Variants in PRKAR1B observed in about 807,000 individuals in gnomAD.
PRKAR1B encodes cAMP-dependent protein kinase type I-beta regulatory subunit.
Under a neutral mutation model 46.5 loss-of-function variants are expected in PRKAR1B, and 22 were observed. The ratio of observed to expected loss-of-function variants is 0.47; its 90% CI spans 0.34 to 0.68. PRKAR1B has a LOEUF of 0.68. PRKAR1B is among the 30% of genes least tolerant of loss of function. The probability of loss-of-function intolerance (pLI) is 0.01; values close to 1 mark genes in which losing one functional copy is unlikely to be tolerated. For missense variants in PRKAR1B, 445 were observed against 535.6 expected, an observed-to-expected ratio of 0.83 and a Z score of 1.67; for synonymous variants, 259 against 217.7, an observed-to-expected ratio of 1.19 and a Z score of -1.67.
In PRKAR1B at chr7:727,216, G is replaced by A; in HGVS notation, c.-29C>T. The A allele has an allele frequency of 7.4e-7, 1 of 1,350,854 alleles. No homozygotes were observed. The highest frequency in any genetic ancestry group is 9.5e-7 in the Non-Finnish European group (1 of 1,050,562). 83.7% of individuals were successfully genotyped at this position (1,350,854 alleles called of 1,614,324 possible). Reference sequence around the variant, plus strand: ...CGCCGCGCTCGCGCCCCACCTGGACGACGCTCTGCGCGCGCTGCGCTGCTC... The same window carrying A: ...CGCCGCGCTCGCGCCCCACCTGGACAACGCTCTGCGCGCGCTGCGCTGCTC... On this transcript the variant is annotated 5_prime_UTR_variant, in exon 1 of 11. Coordinates refer to ENST00000537384, the MANE Select transcript of PRKAR1B (RefSeq NM_001164760.2).
chr7:713,910 C>T (rs567235803), intron 1 of PRKAR1B, among the ~76,000 whole-genome samples: 2 of 152,334 alleles, frequency 1.3e-5, no homozygotes, highest in African/African-American at 2.4e-5. Context: ...GCCCCAGCCC[C>T]GTCTCAGGCA....
chr7:663,877 A>G (rs1221571763), intron 4 of PRKAR1B, among the ~76,000 whole-genome samples: 1 of 152,134 alleles, frequency 6.6e-6, no homozygotes, highest in Non-Finnish European at 1.5e-5. Context: ...TGGCTTCCTC[A>G]TTCTGCAGGG....
chr7:652,245 A>G (rs537677205), intron 4 of PRKAR1B, among the ~76,000 whole-genome samples: 209 of 144,206 alleles, frequency 1.4e-3, no homozygotes, highest in Non-Finnish European at 2.3e-3. Context: ...GTTCACACCC[A>G]CACAGCGCTA....
rs1048552254 is a variant in PRKAR1B, at chr7:550,182, G to A, written c.*248C>T. On this transcript the variant is annotated 3_prime_UTR_variant, in exon 11 of 11. Transcript: ENST00000537384. ...CACAGAGGCAGCCGGGGAGGCGTGT[G>A]GGGAGGAAGCTGGCCTGTCCCTTCC... The A allele has an allele frequency of 2.0e-6, 1 of 504,054 alleles. No individual in the cohort carries two copies. Among genetic ancestry groups the A allele is most frequent in the Non-Finnish European group, 3.6e-6 (1 of 279,766 alleles). The allele number at this position is 504,054 out of a possible 1,614,324, so 31.2% of individuals were successfully genotyped here.
chr7:673,469 G>A (rs78305444), intron 4 of PRKAR1B, among the ~76,000 whole-genome samples: 13,733 of 151,892 alleles, frequency 0.09, 810 homozygotes, highest in South Asian at 0.21. Context: ...CCAACACAGT[G>A]AAACCCCATC....
At position 726,084 on chromosome 7, in the gene PRKAR1B, GTT is replaced by G. The variant is rs1304451293; in HGVS notation, c.-23+1124_-23+1125del. On this transcript the variant is annotated intron_variant, in intron 1 of 10. Transcript: ENST00000537384. ...TTTAGCCAGTTTCTGCATGCAGCCA[GTT>G]TCTGCATGCAGCCAGTTTCTGCATG... Among the ~76,000 whole-genome samples, 8 of 150,506 alleles carry G rather than the reference GTT, an allele frequency of 5.3e-5. No homozygotes were observed. The East Asian group carries it at 1.5e-3, about 29-fold the overall frequency.
chr7:579,200 G>A, intron 9 of PRKAR1B, 56 bp downstream of exon 9: 1 of 1,612,596 alleles, frequency 6.2e-7, no homozygotes, highest in Non-Finnish European at 8.5e-7. Flanking sequence ...GAGAAGGTAA[G>A]AAGTGCCCCT....
intron 8 of PRKAR1B, among the ~76,000 whole-genome samples, chr7:583,068 G>C (rs1210813812): frequency 6.6e-6 from 1 of 151,988 alleles, no homozygotes; most frequent in Admixed American, 6.5e-5. Context: ...CGGGAGGGCA[G>C]GGGGGGTGAC....
Position 606,977 on chromosome 7 carries a change from A to G in PRKAR1B, c.502+414T>C, listed in dbSNP as rs969197553. Among the ~76,000 whole-genome samples, 5 of 152,194 alleles carry G rather than the reference A, an allele frequency of 3.3e-5. No homozygotes were observed. In the South Asian group the frequency reaches 6.2e-4, roughly 19 times the overall value. ...ATATGTAGACATATATGCATATTAT[A>G]TGTGTGTATGTATGTACAAGTCTAT... On this transcript the variant is annotated intron_variant, in intron 5 of 10. Coordinates refer to ENST00000537384, the MANE Select transcript of PRKAR1B (RefSeq NM_001164760.2).
intron 6 of PRKAR1B, among the ~76,000 whole-genome samples, chr7:604,737 G>C (rs977895042): frequency 6.6e-6 from 1 of 152,186 alleles, no homozygotes; most frequent in Non-Finnish European, 1.5e-5. Flanking sequence ...TAGCGTGGCC[G>C]GGACAGAGGC....
intron 9 of PRKAR1B, among the ~76,000 whole-genome samples, chr7:575,529 C>T (rs989633058): frequency 3.3e-5 from 5 of 152,130 alleles, no homozygotes; most frequent in Admixed American, 3.3e-4. Context: ...AATTTGAAGC[C>T]ATCTTTTTTT....
chr7:571,805 G>A (rs1296323486), intron 9 of PRKAR1B, among the ~76,000 whole-genome samples: 2 of 152,196 alleles, frequency 1.3e-5, no homozygotes, highest in Non-Finnish European at 2.9e-5. Context: ...GCCCCACCCA[G>A]CCCCGGCCGA....
intron 7 of PRKAR1B, among the ~76,000 whole-genome samples, chr7:592,006 A>T (rs1267974468): frequency 1.3e-5 from 2 of 152,234 alleles, no homozygotes; most frequent in Non-Finnish European, 2.9e-5. Flanking sequence ...GCCAATGAGA[A>T]GAGAAAGAGG....
At chr7:581,211 G>A (rs9691975) in intron 8 of PRKAR1B, among the ~76,000 whole-genome samples, 63,198 of 150,904 alleles carry the variant, frequency 0.42, 13,852 homozygotes, top group African/African-American at 0.48. Flanking sequence ...GCTGAGGCAG[G>A]AGAATGGCGT....
In PRKAR1B at chr7:588,753, ATGG is replaced by A. The variant is rs1562542199; in HGVS notation, c.709-4188_709-4186del. Among the ~76,000 whole-genome samples the A allele has an allele frequency of 5.5e-3, 20 of 3,666 alleles. 1 individual carries two copies. Among genetic ancestry groups the A allele is most frequent in the African/African-American group, 0.014 (17 of 1,208 alleles). The allele number at this position is 3,666 out of a possible 152,430, so 2.4% of individuals were successfully genotyped here. ...GAGGATAGTGACAGTGGTGATGGTG[ATGG>A]TGATGGTGGTGATGGTGATGGTGGT... On this transcript the variant is annotated intron_variant, in intron 7 of 10. Coordinates refer to ENST00000537384, the MANE Select transcript of PRKAR1B (RefSeq NM_001164760.2).
At chr7:723,838 G>T (rs1163331158) in intron 1 of PRKAR1B, among the ~76,000 whole-genome samples, 1 of 152,160 alleles carries the variant, frequency 6.6e-6, no homozygotes, top group Non-Finnish European at 1.5e-5. Flanking sequence ...TGCTACCTGA[G>T]GCTGCCGTAA....
intron 1 of PRKAR1B, among the ~76,000 whole-genome samples, chr7:724,058 G>A (rs1167577928): frequency 6.6e-6 from 1 of 152,162 alleles, no homozygotes; most frequent in Non-Finnish European, 1.5e-5. Flanking sequence ...AATCACGTCT[G>A]CAAAGACCTT....
chr7:584,789 G>T (rs928388865), intron 7 of PRKAR1B, among the ~76,000 whole-genome samples: 4 of 152,112 alleles, frequency 2.6e-5, no homozygotes, highest in Admixed American at 2.6e-4. Context: ...GAAGCTCCCG[G>T]CATGGTTGCT....
intron 4 of PRKAR1B, among the ~76,000 whole-genome samples, chr7:618,889 G>A (rs1293102114): frequency 1.3e-5 from 2 of 152,122 alleles, no homozygotes; most frequent in African/African-American, 2.4e-5. Context: ...CCTTAATTAG[G>A]TAGACATCTT....
Sources: gnomAD v4.1 joint callset for allele counts (sites outside exome capture counted in the v4.1 genomes callset) on GRCh38, gnomAD v4.1.1 for gene constraint, MANE v1.5 for transcripts, NCBI Gene and HGNC (gene_info 2026-07-23, HGNC 2026-07-21) for gene names.